Variants in SULT1C3 observed in about 807,000 individuals in gnomAD.
SULT1C3 encodes the protein sulfotransferase family 1C member 3.
A neutral mutation model predicts 28.4 loss-of-function variants in SULT1C3; 31 were observed. The ratio of observed to expected loss-of-function variants is 1.09; its 90% CI spans 0.82 to 1.47. The LOEUF (loss-of-function observed/expected upper bound fraction) is 1.47, where lower values mean the gene tolerates loss of function less well. Ranked by LOEUF, SULT1C3 falls within the 40% of genes most tolerant of loss-of-function variation. The pLI is 0.00. For synonymous variants in SULT1C3, 106 were observed against 92.2 expected, an observed-to-expected ratio of 1.15 and a Z score of -0.86; for missense variants, 307 against 272.5, an observed-to-expected ratio of 1.13 and a Z score of -0.89.
rs545894976 is a variant in SULT1C3, at chr2:108,250,492, T to C, written c.173-1873T>C. Reference sequence around the variant, plus strand: ...TAACATGGTACTAATGTTGAACAGTTTGTTATAAAACTAAACATGCACCTA... The same window carrying C: ...TAACATGGTACTAATGTTGAACAGTCTGTTATAAAACTAAACATGCACCTA... On this transcript the variant is annotated intron_variant, in intron 2 of 7. Transcript: ENST00000681802. Among the ~76,000 whole-genome samples, 106 of 152,060 alleles carry C rather than the reference T, an allele frequency of 7.0e-4. No individual in the cohort carries two copies. In the South Asian group the frequency reaches 0.021, roughly 30 times the overall value.
At chr2:108,255,486 T>A in intron 4 of SULT1C3, 86 bp from the exon 5 acceptor site, 3 of 1,457,928 alleles carry the variant, frequency 2.1e-6, no homozygotes, top group Middle Eastern at 3.6e-4. Context: ...TAGGATATGG[T>A]TACCATTGTA....
Position 108,247,308 on chromosome 2 carries a change from A to G in SULT1C3, c.114A>G (p.Lys38=). The G allele has an allele frequency of 6.3e-7, 1 of 1,599,242 alleles. No individual in the cohort carries two copies. The highest frequency in any genetic ancestry group is 8.5e-7 in the Non-Finnish European group (1 of 1,171,658). The change falls in exon 2 of 8, where the codon AAA becomes AAG. Residue 38 remains lysine, a synonymous_variant. Coordinates refer to ENST00000681802, the MANE Select transcript of SULT1C3 (RefSeq NM_001320878.2). ...TATTATCAAAAGAATGGTGGGAAAAAGTATGTAATTTCCAAGCCAAGCCTG... is the reference window on the plus strand; with the variant it reads ...TATTATCAAAAGAATGGTGGGAAAAGGTATGTAATTTCCAAGCCAAGCCTG... ...TLILSKEWWE[K]VCNFQAKPDD...
At position 108,247,228 on chromosome 2, in the gene SULT1C3, G is replaced by C. The variant is rs2104384226; in HGVS notation, c.34G>C (p.Glu12Gln). The C allele has an allele frequency of 6.5e-7, 1 of 1,543,028 alleles. No homozygotes were observed. The highest frequency in any genetic ancestry group is 8.8e-7 in the Non-Finnish European group (1 of 1,140,578). The change falls in exon 2 of 8, where the codon GAA becomes CAA. Residue 12 changes from glutamate to glutamine, a missense_variant. Physicochemically the swap from Glu to Gln is conservative, Grantham distance 29. Transcript: ENST00000681802. ...GATTGAGAAAAACGCTCCCACGATG[G>C]AAAAAAAGCCAGAACTGTTTAACAT... The part of the protein sequence containing the change: ...AKIEKNAPTM[E>Q]KKPELFNIME...
chr2:108,264,730 T>C (rs1676093212), downstream of SULT1C3: 3 of 1,252,838 alleles, frequency 2.4e-6, no homozygotes, highest in Non-Finnish European at 3.3e-6. Context: ...CAAATGATCC[T>C]TTAACTCATT....
intron 5 of SULT1C3, 61 bp from the exon 6 acceptor site, chr2:108,258,673 A>G: frequency 8.0e-7 from 1 of 1,245,340 alleles, no homozygotes; most frequent in Non-Finnish European, 1.1e-6. Context: ...GCACTAATTT[A>G]CTTTATAGCC....
At chr2:108,264,907 A>T (rs1676099496), downstream of SULT1C3, 1 of 1,613,894 alleles carries the variant, frequency 6.2e-7, no homozygotes. Context: ...ATCATCTATC[A>T]CACCTCCTTT....
intron 1 of SULT1C3, among the ~76,000 whole-genome samples, chr2:108,242,735 G>A (rs995538525): frequency 4.6e-5 from 7 of 152,182 alleles, no homozygotes; most frequent in East Asian, 1.9e-4. Context: ...TGGGGGCTTC[G>A]TGGGAAAAAC....
intron 2 of SULT1C3, 103 bp downstream of exon 2, chr2:108,247,469 T>C: frequency 8.8e-7 from 1 of 1,133,816 alleles, no homozygotes; most frequent in Non-Finnish European, 1.2e-6. Flanking sequence ...GAGAAACAAT[T>C]CCTCATTATG....
intron 1 of SULT1C3, among the ~76,000 whole-genome samples, chr2:108,240,386 C>A (rs538477609): frequency 6.6e-6 from 1 of 152,158 alleles, no homozygotes; most frequent in Non-Finnish European, 1.5e-5. Flanking sequence ...TCTTTAAATA[C>A]CTGTAACCCT....
downstream of SULT1C3, chr2:108,264,727 TC>T: frequency 1.1e-5 from 13 of 1,194,676 alleles, no homozygotes; most frequent in Non-Finnish European, 1.4e-5. Flanking sequence ...GTTCAAATGA[TC>T]CTTTAACTCA....
In SULT1C3 at chr2:108,247,268, G is replaced by C; in HGVS notation, c.74G>C (p.Gly25Ala). 1.3e-6 allele frequency: 2 copies of C among 1,594,764 alleles called. No homozygotes were observed. Among genetic ancestry groups the C allele is most frequent in the South Asian group, 1.1e-5 (1 of 87,506 alleles). The change falls in exon 2 of 8, where the codon GGA becomes GCA. Residue 25 changes from glycine to alanine, a missense_variant. Physicochemically the swap from Gly to Ala is moderately conservative, Grantham distance 60. Transcript: ENST00000681802. ...CTGTTTAACATCATGGAAGTAGATG[G>C]AGTCCCTACGTTGATATTATCAAAA... is the stretch of plus-strand genomic sequence containing the variant. ...PELFNIMEVD[G>A]VPTLILSKEW...
In SULT1C3 at chr2:108,247,275, T is replaced by C; in HGVS notation, c.81T>C (p.Pro27=). Residue 27 remains proline, a synonymous_variant, in exon 2 of 8, where the codon CCT becomes CCC. Transcript: ENST00000681802. ...ACATCATGGAAGTAGATGGAGTCCC[T>C]ACGTTGATATTATCAAAAGAATGGT... The part of the protein sequence containing the change: ...LFNIMEVDGV[P]TLILSKEWWE... 6.3e-7 allele frequency: 1 copy of C among 1,596,886 alleles called. No homozygotes were observed. Among genetic ancestry groups the C allele is most frequent in the South Asian group, 1.1e-5 (1 of 87,928 alleles).
intron 2 of SULT1C3, among the ~76,000 whole-genome samples, chr2:108,251,179 C>A (rs575496488): frequency 1.3e-5 from 2 of 152,130 alleles, no homozygotes; most frequent in South Asian, 4.1e-4. Context: ...AGAGGAATTG[C>A]AGTTCTTCCC....
downstream of SULT1C3, among the ~76,000 whole-genome samples, chr2:108,264,323 G>C (rs1428293528): frequency 6.6e-6 from 1 of 152,208 alleles, no homozygotes; most frequent in Non-Finnish European, 1.5e-5. Flanking sequence ...AAGGATCTAT[G>C]CTTCTGGGTC....
In SULT1C3 at chr2:108,259,040, T is replaced by C; in HGVS notation, c.696T>C (p.Ile232=). ...GGTCAGGTGATGTTATAAACAAGATTGTCCACCATACCTCATTTGATGTAA... is the reference window on the plus strand; with the variant it reads ...GGTCAGGTGATGTTATAAACAAGATCGTCCACCATACCTCATTTGATGTAA... ...KTWSGDVINK[I]VHHTSFDVMK... is the part of the protein sequence containing the mutation. The change falls in exon 7 of 8, where the codon ATT becomes ATC. Residue 232 remains isoleucine, a synonymous_variant. Coordinates refer to ENST00000681802, the MANE Select transcript of SULT1C3 (RefSeq NM_001320878.2). The C allele has an allele frequency of 1.5e-6, 1 of 667,830 alleles. No homozygotes were observed. Among genetic ancestry groups the C allele is most frequent in the Non-Finnish European group, 2.7e-6 (1 of 364,674 alleles). 41.4% of individuals were successfully genotyped at this position (667,830 alleles called of 1,614,324 possible). A position where few individuals can be genotyped will look rare whatever the true frequency, so the allele number is the denominator to read the frequency against.
At chr2:108,242,545 C>G (rs572819561) in intron 1 of SULT1C3, among the ~76,000 whole-genome samples, 1 of 152,262 alleles carries the variant, frequency 6.6e-6, no homozygotes, top group Non-Finnish European at 1.5e-5. Context: ...GAGCATGCTT[C>G]TCTGATTTAT....
intron 4 of SULT1C3, 113 bp downstream of exon 4, chr2:108,253,555 C>T (rs760215064): frequency 1.3e-4 from 69 of 540,986 alleles, no homozygotes; most frequent in Non-Finnish European, 1.7e-4. Flanking sequence ...ATATAATTTG[C>T]TATTTTTCTT....
At chr2:108,242,221 C>A (rs1419240967) in intron 1 of SULT1C3, among the ~76,000 whole-genome samples, 3 of 152,166 alleles carry the variant, frequency 2.0e-5, no homozygotes, top group Non-Finnish European at 4.4e-5. Context: ...GCCATGTGAA[C>A]TAAAAACGTA....
rs146690459 is a variant in SULT1C3 at position 108,260,246 on chromosome 2, G to T, written c.803-322G>T. Among the ~76,000 whole-genome samples, 19 of 152,272 alleles carry T rather than the reference G, an allele frequency of 1.2e-4. No homozygotes were observed. The East Asian group carries it at 3.7e-3, about 29-fold the overall frequency. On this transcript the variant is annotated intron_variant, in intron 7 of 7. Coordinates refer to ENST00000681802, the MANE Select transcript of SULT1C3 (RefSeq NM_001320878.2). ...ATAGGCTGTCCCCCAGGAAGTCCATGATGGTAACCAGCTGTAGACTTTGGG... is the reference window on the plus strand; with the variant it reads ...ATAGGCTGTCCCCCAGGAAGTCCATTATGGTAACCAGCTGTAGACTTTGGG...
Sources: gnomAD v4.1 joint callset for allele counts (sites outside exome capture counted in the v4.1 genomes callset) on GRCh38, gnomAD v4.1.1 for gene constraint, MANE v1.5 for transcripts, NCBI Gene and HGNC (gene_info 2026-07-23, HGNC 2026-07-21) for gene names.